Variants in REV1 observed in about 807,000 individuals in gnomAD.
REV1 encodes the protein REV1 DNA directed polymerase, also known as translesion synthesis protein REV1.
Under a neutral mutation model 137.4 loss-of-function variants are expected in REV1, and 42 were observed. The observed-to-expected ratio is 0.31, with a 90% CI of 0.24 to 0.40. The LOEUF (loss-of-function observed/expected upper bound fraction) is 0.40, where lower values mean the gene tolerates loss of function less well. REV1 is among the 10% of genes least tolerant of loss of function. The pLI, the probability that REV1 is intolerant of heterozygous loss-of-function variation, is 1.00. For synonymous variants in REV1, 524 were observed against 519.2 expected (o/e 1.01, Z -0.12); for missense variants, 1,282 against 1,490.1 (o/e 0.86, Z 2.30).
intron 13 of REV1, 125 bp from the exon 14 acceptor site, chr2:99,410,992 TAAAAAG>T: frequency 2.2e-6 from 2 of 907,786 alleles, no homozygotes; most frequent in Non-Finnish European, 3.1e-6. Context: ...CAGCATCTAT[TAAAAAG>T]AAACGTGGCC....
intron 13 of REV1, among the ~76,000 whole-genome samples, chr2:99,411,401 CCTTT>C (rs1251565530): frequency 6.7e-6 from 1 of 149,202 alleles, no homozygotes; most frequent in African/African-American, 2.5e-5. Context: ...AGATATTTTT[CCTTT>C]CTTTCCTTTT....
intron 1 of REV1, among the ~76,000 whole-genome samples, chr2:99,473,486 G>A (rs912473834): frequency 3.3e-5 from 5 of 152,116 alleles, no homozygotes; most frequent in Admixed American, 2.6e-4. Context: ...TGCTTTTAGC[G>A]ACTGATTCTA....
intron 3 of REV1, among the ~76,000 whole-genome samples, chr2:99,461,543 T>A (rs1353890105): frequency 6.6e-6 from 1 of 152,162 alleles, no homozygotes; most frequent in Non-Finnish European, 1.5e-5. Context: ...ATCAGCCAGC[T>A]GAGAAGGGGA....
chr2:99,402,765 G>C lies in REV1; in HGVS notation c.3420C>G (p.Gly1140=), dbSNP rs562377607. 6.2e-7 allele frequency: 1 copy of C among 1,614,168 alleles called. No individual in the cohort carries two copies. The highest frequency in any genetic ancestry group is 2.2e-5 in the East Asian group (1 of 44,880). ...ELSASTSGVP[G]LSSLQSDPAG... is the part of the protein sequence containing the mutation. The stretch of plus-strand genomic sequence containing the variant: ...CTGGGTCAGACTGCAAACTAGAAAG[G>C]CCTGGCACACCTGAAGTAGAAGCAG... The change falls in exon 21 of 23, where the codon GGC becomes GGG. Residue 1140 remains glycine, a synonymous_variant. Transcript: ENST00000258428.
At chr2:99,437,118 C>T (rs549208613) in intron 6 of REV1, among the ~76,000 whole-genome samples, 4 of 151,512 alleles carry the variant, frequency 2.6e-5, no homozygotes, top group East Asian at 1.9e-4. Context: ...TAGCTGAGAC[C>T]GCAGGTGCGT....
intron 3 of REV1, among the ~76,000 whole-genome samples, chr2:99,460,754 C>G (rs1163342333): frequency 6.6e-6 from 1 of 151,660 alleles, no homozygotes; most frequent in Non-Finnish European, 1.5e-5. Flanking sequence ...ATAATGAAAT[C>G]TTAATAACAA....
chr2:99,418,564 T>C (rs1678202526), intron 12 of REV1, among the ~76,000 whole-genome samples: 1 of 152,200 alleles, frequency 6.6e-6, no homozygotes, highest in Non-Finnish European at 1.5e-5. Flanking sequence ...TTTAACATTG[T>C]TTCTTAGAAT....
intron 1 of REV1, 71 bp from the exon 2 acceptor site, chr2:99,465,056 A>G: frequency 7.3e-6 from 9 of 1,241,292 alleles, no homozygotes; most frequent in South Asian, 2.6e-5. Context: ...TTTTATTTCA[A>G]TATCAAGAAA....
intron 1 of REV1, among the ~76,000 whole-genome samples, chr2:99,465,856 T>G (rs1684735532): frequency 6.6e-6 from 1 of 152,236 alleles, no homozygotes; most frequent in South Asian, 2.1e-4. Context: ...TGATATGATC[T>G]ATGAGAATTT....
intron 9 of REV1, among the ~76,000 whole-genome samples, chr2:99,429,505 A>G (rs1419955054): frequency 6.6e-6 from 1 of 152,228 alleles, no homozygotes; most frequent in Non-Finnish European, 1.5e-5. Context: ...ACAAAAGATT[A>G]GAGGGAATAA....
intron 11 of REV1, among the ~76,000 whole-genome samples, chr2:99,420,602 G>A (rs1678530989): frequency 6.6e-6 from 1 of 152,304 alleles, no homozygotes; most frequent in South Asian, 2.1e-4. Flanking sequence ...GTAGCACGGT[G>A]TGCCCCTCCT....
At chr2:99,471,890 A>T (rs1473418546) in intron 1 of REV1, among the ~76,000 whole-genome samples, 11 of 128,210 alleles carry the variant, frequency 8.6e-5, no homozygotes, top group African/African-American at 3.1e-4. Flanking sequence ...AGCTACTATT[A>T]AAAAAAAAAA....
intron 15 of REV1, among the ~76,000 whole-genome samples, chr2:99,407,123 T>A (rs974837236): frequency 9.0e-6 from 1 of 111,428 alleles, no homozygotes; most frequent in African/African-American, 3.4e-5. Context: ...AGAGCCTCAC[T>A]GTGTCACTCA....
chr2:99,407,522 A>G (rs1245174095), intron 15 of REV1, among the ~76,000 whole-genome samples: 2 of 151,702 alleles, frequency 1.3e-5, no homozygotes, highest in Non-Finnish European at 2.9e-5. Context: ...ATTGCACTCC[A>G]GCCTGGGCAA....
intron 18 of REV1, 62 bp from the exon 19 acceptor site, chr2:99,403,877 C>T: frequency 6.3e-7 from 1 of 1,578,942 alleles, no homozygotes; most frequent in Non-Finnish European, 8.6e-7. Context: ...GCTGGTTTCT[C>T]TTTTTCACAA....
intron 22 of REV1, 71 bp downstream of exon 22, chr2:99,402,173 A>G (rs28382974): frequency 7.5e-6 from 5 of 662,452 alleles, no homozygotes; most frequent in Non-Finnish European, 1.1e-5. Flanking sequence ...AAAGTTTAAA[A>G]CAACTCAGTA....
At chr2:99,408,621 CA>C (rs1676671417) in intron 14 of REV1, among the ~76,000 whole-genome samples, 1 of 152,132 alleles carries the variant, frequency 6.6e-6, no homozygotes, top group African/African-American at 2.4e-5. Context: ...ACAGTACAGC[CA>C]ATAAACAATT....
At chr2:99,403,331 T>C (rs1675768453) in intron 19 of REV1, 1 of 582,424 alleles carries the variant, frequency 1.7e-6, no homozygotes, top group Non-Finnish European at 3.0e-6. Context: ...ATGTTGCTCA[T>C]CTATGATGGG....
rs558278484 is a variant in REV1 at position 99,412,181 on chromosome 2, C to T, written c.2172+550G>A. 4.8e-5 allele frequency among the ~76,000 whole-genome samples: 7 copies of T among 146,778 alleles called. No individual in the cohort carries two copies. The South Asian group carries it at 6.5e-4, about 14-fold the overall frequency. On this transcript the variant is annotated intron_variant, in intron 13 of 22. Coordinates refer to ENST00000258428, the MANE Select transcript of REV1 (RefSeq NM_016316.4). ...CTGGGAAACGGAGGTTGCAGTGAGC[C>T]GAGACTGCGCCACTGCACTCCACCC...
Sources: gnomAD v4.1 joint callset for allele counts (sites outside exome capture counted in the v4.1 genomes callset) on GRCh38, gnomAD v4.1.1 for gene constraint, MANE v1.5 for transcripts, NCBI Gene and HGNC (gene_info 2026-07-23, HGNC 2026-07-21) for gene names.